PDE4D: variants seen among roughly 807,000 people sequenced by gnomAD.
The protein encoded by PDE4D is 3',5'-cyclic-AMP phosphodiesterase 4D.
A neutral mutation model predicts 87.4 loss-of-function variants in PDE4D; 24 were observed. The ratio of observed to expected loss-of-function variants is 0.27; its 90% CI spans 0.20 to 0.39. The LOEUF (loss-of-function observed/expected upper bound fraction) is 0.39. Ranked by LOEUF, PDE4D falls within the 10% of genes least tolerant of loss-of-function variation. PDE4D has a pLI of 1.00. For synonymous variants in PDE4D, 384 were observed against 383.2 expected (o/e 1.00, Z -0.02); for missense variants, 714 against 1,041.0 (o/e 0.69, Z 4.32).
intron 1 of PDE4D, among the ~76,000 whole-genome samples, chr5:59,636,119 C>T (rs990221950): frequency 6.6e-6 from 1 of 152,102 alleles, no homozygotes; most frequent in Non-Finnish European, 1.5e-5. Flanking sequence ...CATGAGCAAA[C>T]TCCCATTCAC....
intron 1 of PDE4D, among the ~76,000 whole-genome samples, chr5:59,219,575 T>C (rs931830567): frequency 6.6e-6 from 1 of 152,126 alleles, no homozygotes; most frequent in African/African-American, 2.4e-5. Flanking sequence ...TTACATTACA[T>C]CCTATGTCCT....
intron 3 of PDE4D, among the ~76,000 whole-genome samples, chr5:59,933,793 A>ATATATATATATATATATATATAT (rs1343398649): frequency 1.1e-3 from 38 of 35,596 alleles, no homozygotes; most frequent in African/African-American, 5.7e-3. Context: ...TATATATATT[A>ATATATATATATATATATATATAT]ATAAGCATTC....
intron 1 of PDE4D, among the ~76,000 whole-genome samples, chr5:59,232,502 T>C (rs1462770398): frequency 1.0e-5 from 1 of 99,116 alleles, no homozygotes; most frequent in Non-Finnish European, 2.0e-5. Context: ...ATGGCTATTA[T>C]TAAAAGACCA....
rs145727379 is a variant in PDE4D at position 59,477,531 on chromosome 5, T to C, written c.456-261563A>G. ...TTAAAATACTACATTTAGGCTATTATTAAAAAGTTAAAAAACAACAGATAC... is the reference window on the plus strand; with the variant it reads ...TTAAAATACTACATTTAGGCTATTACTAAAAAGTTAAAAAACAACAGATAC... On this transcript the variant is annotated intron_variant, in intron 1 of 14. Coordinates refer to ENST00000340635, the MANE Select transcript of PDE4D (RefSeq NM_001104631.2). Among the ~76,000 whole-genome samples, 363 of 152,102 alleles carry C rather than the reference T, an allele frequency of 2.4e-3. 3 individuals are homozygous for C. Among genetic ancestry groups the C allele is most frequent in the African/African-American group, 8.0e-3 (334 of 41,536 alleles).
chr5:59,282,364 C>G (rs548348085), intron 1 of PDE4D, among the ~76,000 whole-genome samples: 2 of 151,842 alleles, frequency 1.3e-5, no homozygotes, highest in African/African-American at 4.8e-5. Context: ...TTGGAGGCTG[C>G]GCGCGGTGGC....
intron 1 of PDE4D, among the ~76,000 whole-genome samples, chr5:59,372,064 A>G (rs1232143110): frequency 6.6e-6 from 1 of 152,216 alleles, no homozygotes; most frequent in East Asian, 1.9e-4. Flanking sequence ...GTTCTAAATT[A>G]TGCTTTCCCT....
intron 5 of PDE4D, among the ~76,000 whole-genome samples, chr5:59,076,440 T>C (rs1241536969): frequency 6.6e-6 from 1 of 152,106 alleles, no homozygotes; most frequent in Non-Finnish European, 1.5e-5. Context: ...AAGTCTTCAG[T>C]GACAAAGAGA....
chr5:60,439,053 T>TA (rs1744988456), intron 1 of PDE4D, among the ~76,000 whole-genome samples: 1 of 152,134 alleles, frequency 6.6e-6, no homozygotes, highest in Non-Finnish European at 1.5e-5. Flanking sequence ...ATGTACATGA[T>TA]ATGACATATA....
intron 1 of PDE4D, among the ~76,000 whole-genome samples, chr5:59,636,644 G>C (rs527414402): frequency 5.3e-5 from 8 of 152,140 alleles, no homozygotes; most frequent in African/African-American, 1.9e-4. Context: ...ACAAAAACAA[G>C]CAATGGGGAA....
chr5:59,104,703 G>T (rs367642928), intron 5 of PDE4D, among the ~76,000 whole-genome samples: 27 of 151,898 alleles, frequency 1.8e-4, no homozygotes, highest in African/African-American at 6.5e-4. Flanking sequence ...AGGGGAGGGA[G>T]GAAAGAAGGA....
At chr5:59,171,782 A>G (rs1782805682) in intron 5 of PDE4D, among the ~76,000 whole-genome samples, 1 of 136,418 alleles carries the variant, frequency 7.3e-6, no homozygotes, top group Non-Finnish European at 1.5e-5. Context: ...ATATGAATAC[A>G]TATTCATATA....
intron 2 of PDE4D, among the ~76,000 whole-genome samples, chr5:60,005,845 A>G (rs766537158): frequency 1.4e-4 from 22 of 151,912 alleles, no homozygotes; most frequent in Non-Finnish European, 2.7e-4. Flanking sequence ...AAAAGGGTGC[A>G]GAGAGAAAGG....
At chr5:59,855,668 C>T (rs1173219357) in intron 1 of PDE4D, among the ~76,000 whole-genome samples, 1 of 152,108 alleles carries the variant, frequency 6.6e-6, no homozygotes, top group Non-Finnish European at 1.5e-5. Flanking sequence ...GCATTCTAGT[C>T]TCATAATTTT....
intron 1 of PDE4D, among the ~76,000 whole-genome samples, chr5:59,848,121 T>C (rs979965000): frequency 6.6e-6 from 1 of 152,042 alleles, no homozygotes; most frequent in Non-Finnish European, 1.5e-5. Flanking sequence ...GTTTTATCCC[T>C]AAAGCTATTT....
intron 1 of PDE4D, among the ~76,000 whole-genome samples, chr5:60,410,773 T>C (rs1741979634): frequency 6.6e-6 from 1 of 152,248 alleles, no homozygotes; most frequent in African/African-American, 2.4e-5. Flanking sequence ...ATTTTCATGC[T>C]TGGCCACTGC....
intron 1 of PDE4D, among the ~76,000 whole-genome samples, chr5:59,396,649 C>T (rs980145326): frequency 3.9e-4 from 43 of 110,404 alleles, no homozygotes; most frequent in African/African-American, 1.4e-3. Context: ...TAAAGACCAT[C>T]GAGACTAGGA....
chr5:59,660,055 T>A (rs1039795601), intron 1 of PDE4D, among the ~76,000 whole-genome samples: 2 of 151,970 alleles, frequency 1.3e-5, no homozygotes, highest in South Asian at 4.2e-4. Context: ...TGTGGTGGCA[T>A]ACACCTGTAG....
chr5:59,247,729 C>A (rs181168695), intron 1 of PDE4D, among the ~76,000 whole-genome samples: 7 of 151,976 alleles, frequency 4.6e-5, no homozygotes, highest in Admixed American at 6.6e-5. Context: ...ACCTCACCTG[C>A]TGCTCTGGCT....
At chr5:59,177,779 C>A (rs1215285405) in intron 5 of PDE4D, among the ~76,000 whole-genome samples, 1 of 152,138 alleles carries the variant, frequency 6.6e-6, no homozygotes, top group Non-Finnish European at 1.5e-5. Flanking sequence ...TTACTCTAGA[C>A]CTTATTCCTA....
Sources: gnomAD v4.1 joint callset for allele counts (sites outside exome capture counted in the v4.1 genomes callset) on GRCh38, gnomAD v4.1.1 for gene constraint, MANE v1.5 for transcripts, NCBI Gene and HGNC (gene_info 2026-07-23, HGNC 2026-07-21) for gene names.